Variants in GRIK2 observed in about 807,000 individuals in gnomAD.
GRIK2 encodes glutamate receptor ionotropic, kainate 2.
In GRIK2, 32 loss-of-function variants were observed where a neutral mutation model predicts 100.3. That is an observed-to-expected ratio of 0.32 (90% CI 0.24 to 0.43). GRIK2 has a LOEUF of 0.43. GRIK2 is among the 20% of genes least tolerant of loss of function. GRIK2 has a pLI of 1.00. For missense variants in GRIK2, 843 were observed against 1,114.9 expected (o/e 0.76, Z 3.47); for synonymous variants, 417 against 389.4 (o/e 1.07, Z -0.83).
chr6:102,062,424 T>C (rs1176166387), intron 16 of GRIK2, among the ~76,000 whole-genome samples: 2 of 150,442 alleles, frequency 1.3e-5, no homozygotes, highest in Non-Finnish European at 3.0e-5. Context: ...GTTAAGATAA[T>C]AGAGTTCCTG....
At chr6:101,798,582 A>G (rs1028487992) in intron 7 of GRIK2, among the ~76,000 whole-genome samples, 4 of 152,016 alleles carry the variant, frequency 2.6e-5, no homozygotes, top group African/African-American at 7.2e-5. Context: ...GCTACTGTGT[A>G]TACTCATTTT....
At chr6:101,786,187 C>T (rs192705463) in intron 7 of GRIK2, among the ~76,000 whole-genome samples, 31 of 151,708 alleles carry the variant, frequency 2.0e-4, no homozygotes, top group Non-Finnish European at 2.7e-4. Context: ...CTGAATTTGC[C>T]AAATAGAGTT....
At chr6:101,425,329 G>A (rs1776645837) in intron 2 of GRIK2, among the ~76,000 whole-genome samples, 1 of 152,108 alleles carries the variant, frequency 6.6e-6, no homozygotes, top group Non-Finnish European at 1.5e-5. Flanking sequence ...AATAAATACT[G>A]TAGAACAATT....
At chr6:101,944,145 C>T (rs1013014887) in intron 14 of GRIK2, among the ~76,000 whole-genome samples, 2 of 152,132 alleles carry the variant, frequency 1.3e-5, no homozygotes, top group Admixed American at 1.3e-4. Flanking sequence ...CTCCTGCTAC[C>T]ATGTAAGGCA....
intron 7 of GRIK2, among the ~76,000 whole-genome samples, chr6:101,695,989 A>G (rs1442847769): frequency 6.6e-6 from 1 of 151,900 alleles, no homozygotes; most frequent in East Asian, 1.9e-4. Flanking sequence ...ATCATAAAAT[A>G]AAAAAAATCA....
chr6:101,504,956 G>C (rs182250609), intron 2 of GRIK2, among the ~76,000 whole-genome samples: 111 of 152,018 alleles, frequency 7.3e-4, no homozygotes, highest in Non-Finnish European at 1.3e-3. Flanking sequence ...TGTTAAGTCA[G>C]TACTTTTTGA....
intron 7 of GRIK2, among the ~76,000 whole-genome samples, chr6:101,724,561 A>G (rs891396313): frequency 3.9e-5 from 6 of 151,966 alleles, no homozygotes; most frequent in Non-Finnish European, 8.8e-5. Context: ...TCCATGGTGT[A>G]CATGTAACAC....
chr6:101,572,424 A>G (rs1280161709), intron 2 of GRIK2, among the ~76,000 whole-genome samples: 1 of 152,108 alleles, frequency 6.6e-6, no homozygotes, highest in Admixed American at 6.6e-5. Context: ...TTTTACTGTA[A>G]GTGTGCGTAA....
intron 2 of GRIK2, among the ~76,000 whole-genome samples, chr6:101,554,836 A>G (rs1289202836): frequency 6.8e-6 from 1 of 147,936 alleles, no homozygotes; most frequent in Admixed American, 6.8e-5. Flanking sequence ...TTGTTATTAA[A>G]TAAACTGATT....
intron 13 of GRIK2, among the ~76,000 whole-genome samples, chr6:101,926,396 A>T (rs556938000): frequency 2.6e-5 from 4 of 152,118 alleles, no homozygotes; most frequent in African/African-American, 9.7e-5. Context: ...GGAGGGAGTT[A>T]TCCTCATAAT....
chr6:101,799,684 G>A lies in GRIK2; in HGVS notation c.988G>A (p.Val330Met). The change falls in exon 8 of 17, where the codon GTG becomes ATG. Residue 330 changes from valine to methionine, a missense_variant. Coordinates refer to ENST00000369134, the MANE Select transcript of GRIK2 (RefSeq NM_021956.5). ...TCTAATGTATGATGCTGTGCATGTG[G>A]TGTCTGTGGCCGTTCAACAGTTTCC... ...AALMYDAVHV[V>M]SVAVQQFPQM... 3 of 1,613,006 alleles carry A rather than the reference G, an allele frequency of 1.9e-6. No homozygotes were observed. Among genetic ancestry groups the A allele is most frequent in the Non-Finnish European group, 2.5e-6 (3 of 1,179,122 alleles).
intron 7 of GRIK2, among the ~76,000 whole-genome samples, chr6:101,792,393 A>G (rs993353905): frequency 1.1e-4 from 17 of 151,622 alleles, no homozygotes; most frequent in East Asian, 1.9e-4. Context: ...GCTCTTTTAG[A>G]GCAGGCCTGG....
At chr6:101,922,141 C>CTCCTTCCTTCCCTCCCTTCCT (rs1789591802) in intron 12 of GRIK2, among the ~76,000 whole-genome samples, 1 of 56,454 alleles carries the variant, frequency 1.8e-5, no homozygotes, top group Non-Finnish European at 4.0e-5. Context: ...CCTTCCTTCC[C>CTCCTTCCTTCCCTCCCTTCCT]TCCCTTCCTC....
chr6:101,967,172 T>C (rs1303901710), intron 14 of GRIK2, among the ~76,000 whole-genome samples: 1 of 151,884 alleles, frequency 6.6e-6, no homozygotes, highest in Admixed American at 6.6e-5. Context: ...ATACAAACTT[T>C]CAGGAATTCA....
chr6:101,776,534 C>T (rs1262246067), intron 7 of GRIK2, among the ~76,000 whole-genome samples: 1 of 151,962 alleles, frequency 6.6e-6, no homozygotes, highest in Non-Finnish European at 1.5e-5. Context: ...TGATTCAATC[C>T]CCTCCTTTTA....
chr6:101,582,146 T>G (rs1052696510), intron 2 of GRIK2, among the ~76,000 whole-genome samples: 44 of 152,094 alleles, frequency 2.9e-4, no homozygotes, highest in Non-Finnish European at 3.2e-4. Flanking sequence ...GGTATACATG[T>G]GCCATGGTGG....
At chr6:101,961,824 A>C (rs2128482658) in intron 14 of GRIK2, among the ~76,000 whole-genome samples, 1 of 152,188 alleles carries the variant, frequency 6.6e-6, no homozygotes, top group Admixed American at 6.5e-5. Context: ...CTGTCCAAGT[A>C]GATTCTAAGG....
rs1021557309 is a variant in GRIK2, at chr6:101,864,067, G to A, written c.1524+4574G>A. On this transcript the variant is annotated intron_variant, in intron 11 of 16. Coordinates refer to ENST00000369134, the MANE Select transcript of GRIK2 (RefSeq NM_021956.5). ...CAGGAGAATGGCGTGAACCCGGGAA[G>A]CGGAGCTTGCAGTGAGCCGAGATTG... 3.3e-5 allele frequency among the ~76,000 whole-genome samples: 5 copies of A among 150,792 alleles called. No individual in the cohort carries two copies. The East Asian group carries it at 7.9e-4, about 24-fold the overall frequency.
chr6:102,015,906 C>A lies in GRIK2; in HGVS notation c.2086-19435C>A, dbSNP rs534405205. ...GGAGTCCTGATCTGAGCCTTGGCAC[C>A]CTTAAATCTTCCAGTAATGAAGCCA... On this transcript the variant is annotated intron_variant, in intron 14 of 16. Coordinates refer to ENST00000369134, the MANE Select transcript of GRIK2 (RefSeq NM_021956.5). Among the ~76,000 whole-genome samples, 26 of 152,230 alleles carry A rather than the reference C, an allele frequency of 1.7e-4. No individual in the cohort carries two copies. In the South Asian group the frequency reaches 5.0e-3, roughly 29 times the overall value.
Sources: gnomAD v4.1 joint callset for allele counts (sites outside exome capture counted in the v4.1 genomes callset) on GRCh38, gnomAD v4.1.1 for gene constraint, MANE v1.5 for transcripts, NCBI Gene and HGNC (gene_info 2026-07-23, HGNC 2026-07-21) for gene names.